CDYL2: variants seen among roughly 807,000 people sequenced by gnomAD.
The protein encoded by CDYL2 is chromodomain Y-like protein 2.
In CDYL2, 23 loss-of-function variants were observed where a neutral mutation model predicts 49.4. The observed-to-expected ratio is 0.47, with a 90% confidence interval of 0.34 to 0.66. The LOEUF (loss-of-function observed/expected upper bound fraction) is 0.66, where lower values mean the gene tolerates loss of function less well. Among genes scored for constraint, CDYL2 ranks in the 30% least tolerant of loss-of-function variants. CDYL2 has a pLI of 0.01. For synonymous variants in CDYL2, 360 were observed against 268.8 expected, an observed-to-expected ratio of 1.34 and a Z score of -3.32; for missense variants, 678 against 656.4, an observed-to-expected ratio of 1.03 and a Z score of -0.36.
At chr16:80,725,197 T>A (rs763804462) in intron 1 of CDYL2, among the ~76,000 whole-genome samples, 33 of 149,082 alleles carry the variant, frequency 2.2e-4, no homozygotes, top group Non-Finnish European at 6.0e-5. Context: ...CACATACACA[T>A]ACACACACAC....
chr16:80,764,169 T>A lies in CDYL2; in HGVS notation c.24+39981A>T, dbSNP rs556322532. On this transcript the variant is annotated intron_variant, in intron 1 of 6. Coordinates refer to ENST00000570137, the MANE Select transcript of CDYL2 (RefSeq NM_152342.4). ...GATAATAAAGTGGCTAGGTATAAGATGAATATATGAAAATCATTTTCCTAT... is the reference window on the plus strand; with the variant it reads ...GATAATAAAGTGGCTAGGTATAAGAAGAATATATGAAAATCATTTTCCTAT... 2.9e-4 allele frequency among the ~76,000 whole-genome samples: 44 copies of A among 152,338 alleles called. No homozygotes were observed. The South Asian group carries it at 8.5e-3, about 29-fold the overall frequency.
At chr16:80,709,561 G>GACACACACAC (rs10673992) in intron 1 of CDYL2, among the ~76,000 whole-genome samples, 58 of 143,754 alleles carry the variant, frequency 4.0e-4, no homozygotes, top group South Asian at 9.2e-4. Flanking sequence ...GGAATAAACA[G>GACACACACAC]ACACACACAC....
intron 2 of CDYL2, among the ~76,000 whole-genome samples, chr16:80,651,864 T>C (rs1296934487): frequency 6.6e-6 from 1 of 152,178 alleles, no homozygotes; most frequent in Non-Finnish European, 1.5e-5. Flanking sequence ...ATACTGGAAT[T>C]GAATGATTAA....
At chr16:80,624,513 C>G (rs187560566) in intron 3 of CDYL2, among the ~76,000 whole-genome samples, 5 of 152,242 alleles carry the variant, frequency 3.3e-5, no homozygotes, top group African/African-American at 9.6e-5. Context: ...TGGGGAGAAG[C>G]TGCAACCCAG....
At chr16:80,746,053 T>C (rs761735816) in intron 1 of CDYL2, among the ~76,000 whole-genome samples, 3 of 152,168 alleles carry the variant, frequency 2.0e-5, no homozygotes, top group Non-Finnish European at 4.4e-5. Flanking sequence ...GTCCTTGGAA[T>C]GTAAAGAGTG....
At chr16:80,775,568 T>C (rs1016843759) in intron 1 of CDYL2, among the ~76,000 whole-genome samples, 1 of 151,352 alleles carries the variant, frequency 6.6e-6, no homozygotes, top group African/African-American at 2.4e-5. Context: ...TATATATAAC[T>C]ACTAGAACAC....
chr16:80,766,066 G>C (rs902972760), intron 1 of CDYL2, among the ~76,000 whole-genome samples: 2 of 151,828 alleles, frequency 1.3e-5, no homozygotes, highest in Admixed American at 6.6e-5. Context: ...GTGGTTGCTT[G>C]GAGCTAAGGG....
chr16:80,602,276 C>G lies in CDYL2; in HGVS notation c.*2112G>C, dbSNP rs533984060. The stretch of plus-strand genomic sequence containing the variant: ...ATAGTAACTCCCTGTAGGACAGGTC[C>G]GAAGTCCTTACAGGATCCTACATGG... On this transcript the variant is annotated 3_prime_UTR_variant, in exon 7 of 7. Transcript: ENST00000570137. 13 of 152,260 alleles carry G rather than the reference C, an allele frequency of 8.5e-5. No individual in the cohort carries two copies. The South Asian group carries it at 2.7e-3, about 32-fold the overall frequency. 9.4% of individuals were successfully genotyped at this position (152,260 alleles called of 1,614,324 possible). A position where few individuals can be genotyped will look rare whatever the true frequency, so the allele number is the denominator to read the frequency against.
chr16:80,657,078 G>T (rs536932944), intron 2 of CDYL2, among the ~76,000 whole-genome samples: 1 of 152,304 alleles, frequency 6.6e-6, no homozygotes, highest in African/African-American at 2.4e-5. Context: ...CTTTGCTCTT[G>T]AAATGAGCCT....
chr16:80,739,074 T>C (rs893811663), intron 1 of CDYL2, among the ~76,000 whole-genome samples: 3 of 152,184 alleles, frequency 2.0e-5, no homozygotes, highest in Non-Finnish European at 4.4e-5. Context: ...TAGTCAGCCT[T>C]TAAAGGGAAG....
chr16:80,719,312 T>C (rs1169167169), intron 1 of CDYL2, among the ~76,000 whole-genome samples: 1 of 152,100 alleles, frequency 6.6e-6, no homozygotes, highest in Non-Finnish European at 1.5e-5. Flanking sequence ...CTTGAGCAAG[T>C]CTTCTAACTG....
At chr16:80,611,065 C>T (rs1339730468) in intron 5 of CDYL2, among the ~76,000 whole-genome samples, 2 of 152,160 alleles carry the variant, frequency 1.3e-5, no homozygotes, top group African/African-American at 2.4e-5. Context: ...GGCCCACTCC[C>T]TACCCTGTTC....
intron 3 of CDYL2, chr16:80,627,786 A>G (rs1907367889): frequency 6.6e-6 from 1 of 152,248 alleles, no homozygotes; most frequent in South Asian, 2.1e-4. Flanking sequence ...TCTATAACAA[A>G]TAGTCCCAGA....
At chr16:80,705,940 T>C (rs920776404) in intron 1 of CDYL2, among the ~76,000 whole-genome samples, 5 of 152,272 alleles carry the variant, frequency 3.3e-5, no homozygotes, top group Non-Finnish European at 5.9e-5. Context: ...TTATCCCATT[T>C]ATTTATTAAG....
chr16:80,619,176 T>C (rs1323434783), intron 4 of CDYL2, among the ~76,000 whole-genome samples: 2 of 152,184 alleles, frequency 1.3e-5, no homozygotes, highest in Non-Finnish European at 2.9e-5. Context: ...TCCCCTCTTA[T>C]GAAATAAGTT....
chr16:80,725,683 GAA>G (rs1236149106), intron 1 of CDYL2, among the ~76,000 whole-genome samples: 1 of 152,202 alleles, frequency 6.6e-6, no homozygotes, highest in Non-Finnish European at 1.5e-5. Flanking sequence ...ACTGACCTGA[GAA>G]ACCCTAACCC....
At chr16:80,607,553 G>T (rs1181817442) in intron 6 of CDYL2, among the ~76,000 whole-genome samples, 1 of 152,224 alleles carries the variant, frequency 6.6e-6, no homozygotes, top group Non-Finnish European at 1.5e-5. Context: ...CTGAGTGACT[G>T]TTATGAGATA....
At position 80,600,466 on chromosome 16, in the gene CDYL2, C is replaced by G. The variant is rs1179780778; in HGVS notation, c.*3922G>C. On this transcript the variant is annotated 3_prime_UTR_variant, in exon 7 of 7. Coordinates refer to ENST00000570137, the MANE Select transcript of CDYL2 (RefSeq NM_152342.4). ...CAAAAATATACATGCAAGACAACCC[C>G]AAATGGTTTCCCTTAAATATCTACA... The G allele has an allele frequency of 6.6e-6, 1 of 152,118 alleles. No individual in the cohort carries two copies. Among genetic ancestry groups the G allele is most frequent in the East Asian group, 1.9e-4 (1 of 5,202 alleles). The allele number at this position is 152,118 out of a possible 1,614,324, so 9.4% of individuals were successfully genotyped here. A position where few individuals can be genotyped will look rare whatever the true frequency, so the allele number is the denominator to read the frequency against.
At chr16:80,683,352 C>T (rs1001601237) in intron 2 of CDYL2, among the ~76,000 whole-genome samples, 1 of 152,230 alleles carries the variant, frequency 6.6e-6, no homozygotes. Context: ...ACATAACTGG[C>T]ACAAGCAGCT....
Sources: allele counts gnomAD v4.1 joint callset (sites outside exome capture counted in the v4.1 genomes callset), GRCh38; gene constraint gnomAD v4.1.1; transcripts MANE v1.5; gene names NCBI Gene and HGNC (gene_info 2026-07-23, HGNC 2026-07-21).